The following PTPRG variants were observed in gnomAD, a reference collection of about 807,000 sequenced individuals.
PTPRG encodes protein tyrosine phosphatase receptor type G.
Under a neutral mutation model 165.3 loss-of-function variants are expected in PTPRG, and 102 were observed. The observed-to-expected ratio is 0.62, with a 90% CI of 0.53 to 0.73. The LOEUF is 0.73. PTPRG is among the 30% of genes least tolerant of loss of function. The pLI is 0.00. For synonymous variants in PTPRG, 675 were observed against 669.5 expected (o/e 1.01, Z -0.13); for missense variants, 1,866 against 1,861.4 (o/e 1.00, Z -0.05).
chr3:61,707,994 G>C (rs1002276780), intron 1 of PTPRG, among the ~76,000 whole-genome samples: 1 of 152,070 alleles, frequency 6.6e-6, no homozygotes, highest in Non-Finnish European at 1.5e-5. Flanking sequence ...TCACCATGTT[G>C]CTCAGGCTGG....
chr3:61,608,176 ATCTTCCT>A (rs1028221917), intron 1 of PTPRG, among the ~76,000 whole-genome samples: 5 of 84,752 alleles, frequency 5.9e-5, no homozygotes, highest in African/African-American at 8.4e-5. Flanking sequence ...ATCCATTTCT[ATCTTCCT>A]TCTTCGTACA....
chr3:61,872,796 A>T (rs917732552), intron 2 of PTPRG, among the ~76,000 whole-genome samples: 1 of 152,180 alleles, frequency 6.6e-6, no homozygotes, highest in African/African-American at 2.4e-5. Context: ...GCCAGTTTGG[A>T]TATGACTCTT....
intron 2 of PTPRG, among the ~76,000 whole-genome samples, chr3:61,935,613 T>C (rs1271580187): frequency 2.0e-5 from 3 of 152,166 alleles, no homozygotes; most frequent in African/African-American, 4.8e-5. Flanking sequence ...ACTTGTGCCA[T>C]GTAGGGCTTT....
chr3:62,088,370 G>C (rs1467349671), intron 5 of PTPRG, among the ~76,000 whole-genome samples: 1 of 152,208 alleles, frequency 6.6e-6, no homozygotes, highest in Non-Finnish European at 1.5e-5. Context: ...GTAGAGGGGG[G>C]TCAGTTAGGG....
At chr3:61,582,909 G>A (rs1375272603) in intron 1 of PTPRG, among the ~76,000 whole-genome samples, 1 of 152,180 alleles carries the variant, frequency 6.6e-6, no homozygotes, top group Non-Finnish European at 1.5e-5. Context: ...CTAATAACAT[G>A]CTGAAATACT....
intron 2 of PTPRG, among the ~76,000 whole-genome samples, chr3:61,860,434 CTTTTTT>C (rs766688465): frequency 5.8e-4 from 55 of 95,542 alleles, no homozygotes; most frequent in South Asian, 2.3e-3. Flanking sequence ...GTTTTTGTTC[CTTTTTT>C]TTTTTTTTTT....
chr3:61,840,770 T>TTTTTTTTG (rs1559642650), intron 2 of PTPRG, among the ~76,000 whole-genome samples: 49 of 121,356 alleles, frequency 4.0e-4, no homozygotes, highest in Non-Finnish European at 4.3e-4. Flanking sequence ...ATGGAGTTTT[T>TTTTTTTTG]TTTGTTTGTT....
intron 1 of PTPRG, among the ~76,000 whole-genome samples, chr3:61,668,153 T>C (rs1325455376): frequency 1.3e-5 from 2 of 152,214 alleles, no homozygotes; most frequent in African/African-American, 4.8e-5. Context: ...TTCTCATCCA[T>C]ATGTATAGTC....
chr3:61,573,656 G>A (rs531650080), intron 1 of PTPRG, among the ~76,000 whole-genome samples: 1 of 152,286 alleles, frequency 6.6e-6, no homozygotes, highest in Non-Finnish European at 1.5e-5. Flanking sequence ...ATTCCTCCTT[G>A]TGCTGTGTCT....
At chr3:61,706,978 G>T (rs567091998) in intron 1 of PTPRG, among the ~76,000 whole-genome samples, 61 of 152,102 alleles carry the variant, frequency 4.0e-4, no homozygotes, top group African/African-American at 1.2e-3. Context: ...TAATTTTCAT[G>T]TTCCATGAAT....
In PTPRG at chr3:62,003,475, A is replaced by T; in HGVS notation, c.497A>T (p.Asn166Ile). The T allele has an allele frequency of 6.2e-7, 1 of 1,613,972 alleles. No homozygotes were observed. The highest frequency in any genetic ancestry group is 8.5e-7 in the Non-Finnish European group (1 of 1,179,914). Residue 166 changes from asparagine to isoleucine, a missense_variant, in exon 4 of 30, where the codon AAT becomes ATT. Asn to Ile is a moderately radical substitution (Grantham distance 149). Around this residue, in one of 3 missense-constraint regions of PTPRG, gnomAD observed 408 missense variants for 376.2 expected, o/e 1.08. Coordinates refer to ENST00000474889, the MANE Select transcript of PTPRG (RefSeq NM_002841.4). ...NGSAGSEHSI[N>I]GRRFPVEMQI... ...TCAGCGGGCTCTGAACACAGCATCA[A>T]TGGCAGGAGGTTTCCTGTTGAGGTG...
intron 1 of PTPRG, among the ~76,000 whole-genome samples, chr3:61,569,524 G>T (rs1360398889): frequency 3.9e-5 from 6 of 152,050 alleles, no homozygotes; most frequent in Admixed American, 2.0e-4. Context: ...TCCCTGTGTT[G>T]CCCAGGCTGG....
intron 2 of PTPRG, among the ~76,000 whole-genome samples, chr3:61,862,122 A>G (rs1283991024): frequency 6.6e-6 from 1 of 152,078 alleles, no homozygotes; most frequent in Non-Finnish European, 1.5e-5. Flanking sequence ...TGGTGGCATT[A>G]GATTCTGACA....
intron 2 of PTPRG, among the ~76,000 whole-genome samples, chr3:61,986,676 G>A (rs1559729970): frequency 6.6e-6 from 1 of 152,104 alleles, no homozygotes; most frequent in Non-Finnish European, 1.5e-5. Context: ...TCCCTTTTGA[G>A]AACACGGACT....
intron 1 of PTPRG, among the ~76,000 whole-genome samples, chr3:61,618,764 G>A (rs1306642033): frequency 6.6e-6 from 1 of 152,028 alleles, no homozygotes; most frequent in Non-Finnish European, 1.5e-5. Context: ...ACTTTCTGTT[G>A]ATGAGAGTCA....
At chr3:62,036,281 T>C (rs1699933095) in intron 4 of PTPRG, among the ~76,000 whole-genome samples, 1 of 152,132 alleles carries the variant, frequency 6.6e-6, no homozygotes, top group Admixed American at 6.5e-5. Flanking sequence ...ATCTCAGAAC[T>C]GCATAAGGAA....
At chr3:61,870,870 C>T (rs954823907) in intron 2 of PTPRG, among the ~76,000 whole-genome samples, 1 of 152,040 alleles carries the variant, frequency 6.6e-6, no homozygotes, top group Non-Finnish European at 1.5e-5. Context: ...TTACTAAAAG[C>T]TCAATTAATG....
At chr3:61,914,754 A>C (rs1348309487) in intron 2 of PTPRG, among the ~76,000 whole-genome samples, 1 of 152,234 alleles carries the variant, frequency 6.6e-6, no homozygotes, top group Non-Finnish European at 1.5e-5. Flanking sequence ...AGTAATTTTA[A>C]CATGTAGAAA....
chr3:62,175,463 A>G (rs1239521909), intron 8 of PTPRG, among the ~76,000 whole-genome samples: 18 of 152,186 alleles, frequency 1.2e-4, no homozygotes, highest in Admixed American at 1.2e-3. Flanking sequence ...AAAAGAAAAG[A>G]AAAAGAAAGT....
Sources: allele counts gnomAD v4.1 joint callset (sites outside exome capture counted in the v4.1 genomes callset), GRCh38; gene constraint gnomAD v4.1.1; regional missense constraint gnomAD v4.1.1; transcripts MANE v1.5; gene names NCBI Gene and HGNC (gene_info 2026-07-23, HGNC 2026-07-21).